Variants in FRMD5 observed in about 807,000 individuals in gnomAD.
FRMD5 encodes FERM domain containing 5, also known as FERM domain-containing protein 5.
In FRMD5, 20 loss-of-function variants were observed where a neutral mutation model predicts 69.0. That is an observed-to-expected ratio of 0.29 (90% confidence interval 0.20 to 0.42). The LOEUF (loss-of-function observed/expected upper bound fraction) is 0.42, where lower values mean the gene tolerates loss of function less well. Among genes scored for constraint, FRMD5 ranks in the 10% least tolerant of loss-of-function variants. FRMD5 has a pLI of 1.00. For synonymous variants in FRMD5, 271 were observed against 260.1 expected, an observed-to-expected ratio of 1.04 and a Z score of -0.40; for missense variants, 595 against 708.6, an observed-to-expected ratio of 0.84 and a Z score of 1.82.
chr15:44,054,797 C>T (rs1251866585), intron 1 of FRMD5, among the ~76,000 whole-genome samples: 1 of 151,574 alleles, frequency 6.6e-6, no homozygotes, highest in African/African-American at 2.4e-5. Flanking sequence ...GCTGGCTGGG[C>T]GCAGTGGCTC....
chr15:43,985,260 AAC>A (rs1420874824), intron 1 of FRMD5, among the ~76,000 whole-genome samples: 4 of 147,154 alleles, frequency 2.7e-5, no homozygotes, highest in African/African-American at 1.0e-4. Flanking sequence ...CAGCCTGGGC[AAC>A]AGAGCGAGAC....
intron 7 of FRMD5, among the ~76,000 whole-genome samples, chr15:43,894,224 G>A (rs2088861479): frequency 6.6e-6 from 1 of 152,162 alleles, no homozygotes; most frequent in Non-Finnish European, 1.5e-5. Flanking sequence ...TATGGGTCAG[G>A]GAAGGGTGGC....
chr15:43,963,723 A>G (rs1439503173), intron 1 of FRMD5, among the ~76,000 whole-genome samples: 1 of 152,226 alleles, frequency 6.6e-6, no homozygotes, highest in Non-Finnish European at 1.5e-5. Flanking sequence ...AATACTATGC[A>G]GCCATAAAAA....
intron 1 of FRMD5, among the ~76,000 whole-genome samples, chr15:44,083,453 T>C (rs890280510): frequency 2.0e-5 from 3 of 152,084 alleles, no homozygotes; most frequent in African/African-American, 7.2e-5. Context: ...TTGCTGTCCA[T>C]TCATAGTCTG....
At chr15:44,120,438 A>T (rs2076931007) in intron 1 of FRMD5, among the ~76,000 whole-genome samples, 1 of 152,208 alleles carries the variant, frequency 6.6e-6, no homozygotes, top group Non-Finnish European at 1.5e-5. Flanking sequence ...TAGGTGGGAA[A>T]GAAGAAGAAT....
intron 1 of FRMD5, among the ~76,000 whole-genome samples, chr15:44,070,621 C>T (rs181867057): frequency 1.6e-4 from 24 of 152,246 alleles, no homozygotes; most frequent in Admixed American, 1.5e-3. Context: ...ATATATACGC[C>T]ACACTTGACA....
intron 1 of FRMD5, among the ~76,000 whole-genome samples, chr15:43,949,712 A>C (rs2089997614): frequency 6.6e-6 from 1 of 152,228 alleles, no homozygotes; most frequent in African/African-American, 2.4e-5. Flanking sequence ...CAGGTGAAGC[A>C]GTCCAATTAG....
chr15:44,092,603 T>C (rs998366906), intron 1 of FRMD5, among the ~76,000 whole-genome samples: 1 of 152,210 alleles, frequency 6.6e-6, no homozygotes, highest in Non-Finnish European at 1.5e-5. Flanking sequence ...GTGTTCATCA[T>C]AGGATATGAG....
At chr15:44,116,611 G>T (rs2076872120) in intron 1 of FRMD5, among the ~76,000 whole-genome samples, 1 of 152,040 alleles carries the variant, frequency 6.6e-6, no homozygotes, top group South Asian at 2.1e-4. Context: ...CCGGTTGTCT[G>T]CAACAGGTTA....
At chr15:44,170,717 T>G (rs1250057061) in intron 1 of FRMD5, among the ~76,000 whole-genome samples, 1 of 152,158 alleles carries the variant, frequency 6.6e-6, no homozygotes, top group African/African-American at 2.4e-5. Context: ...GCCAGCCACT[T>G]TTGATGGAGT....
chr15:43,943,551 T>A (rs546882599), intron 1 of FRMD5, among the ~76,000 whole-genome samples: 1 of 152,198 alleles, frequency 6.6e-6, no homozygotes, highest in African/African-American at 2.4e-5. Context: ...TCTTTGCAGA[T>A]GTAATTAGTT....
chr15:43,960,867 C>A (rs1034507559), intron 1 of FRMD5, among the ~76,000 whole-genome samples: 1 of 151,946 alleles, frequency 6.6e-6, no homozygotes, highest in Admixed American at 6.6e-5. Context: ...CAAAAGTAGA[C>A]AAATTGAAGT....
At chr15:43,981,293 T>TATTCTTACAATAAATTAGAGAAA (rs2090545295) in intron 1 of FRMD5, among the ~76,000 whole-genome samples, 1 of 151,962 alleles carries the variant, frequency 6.6e-6, no homozygotes, top group East Asian at 1.9e-4. Flanking sequence ...TGACATCCTG[T>TATTCTTACAATAAATTAGAGAAA]ATTCTTACAA....
intron 1 of FRMD5, among the ~76,000 whole-genome samples, chr15:43,987,729 T>C (rs1164983947): frequency 2.0e-5 from 3 of 151,998 alleles, no homozygotes; most frequent in African/African-American, 7.2e-5. Context: ...TTTGTATTTT[T>C]AGTAGAGATG....
chr15:43,938,860 GATTA>G (rs1175198214), intron 1 of FRMD5, among the ~76,000 whole-genome samples: 3 of 151,930 alleles, frequency 2.0e-5, no homozygotes, highest in Middle Eastern at 3.4e-3. Context: ...ATCCTTAATA[GATTA>G]ATTAATTTAT....
chr15:43,962,125 G>A (rs1280537166), intron 1 of FRMD5, among the ~76,000 whole-genome samples: 2 of 152,180 alleles, frequency 1.3e-5, no homozygotes, highest in East Asian at 3.9e-4. Flanking sequence ...GTCCCTGTTT[G>A]CAGATGACAT....
chr15:43,907,236 C>T (rs1057313679), intron 5 of FRMD5, among the ~76,000 whole-genome samples: 11 of 152,186 alleles, frequency 7.2e-5, no homozygotes, highest in Non-Finnish European at 8.8e-5. Context: ...AAGGTGCCCT[C>T]CTCCCATGGC....
intron 1 of FRMD5, among the ~76,000 whole-genome samples, chr15:44,060,850 G>C (rs1011049501): frequency 6.6e-6 from 1 of 152,190 alleles, no homozygotes; most frequent in Admixed American, 6.5e-5. Context: ...CTCTAAGAGA[G>C]GAACTGAGAC....
intron 1 of FRMD5, among the ~76,000 whole-genome samples, chr15:43,935,433 G>A (rs1015145530): frequency 6.6e-6 from 1 of 152,190 alleles, no homozygotes; most frequent in Non-Finnish European, 1.5e-5. Flanking sequence ...GCAGTGAGCC[G>A]AGATCGTGCC....
Sources: gnomAD v4.1 joint callset for allele counts (sites outside exome capture counted in the v4.1 genomes callset) on GRCh38, gnomAD v4.1.1 for gene constraint, MANE v1.5 for transcripts, NCBI Gene and HGNC (gene_info 2026-07-23, HGNC 2026-07-21) for gene names.